Variants in EMILIN2 observed in about 807,000 individuals in gnomAD.
EMILIN2 encodes EMILIN-2.
In EMILIN2, 71 loss-of-function variants were observed where a neutral mutation model predicts 87.1. The observed-to-expected ratio is 0.82, with a 90% CI of 0.67 to 0.99. The LOEUF is 0.99. Ranked by LOEUF, EMILIN2 falls within the 50% of genes least tolerant of loss-of-function variation. EMILIN2 has a pLI of 0.00. For missense variants in EMILIN2, 1,407 were observed against 1,371.8 expected, an observed-to-expected ratio of 1.03 and a Z score of -0.40; for synonymous variants, 581 against 563.4, an observed-to-expected ratio of 1.03 and a Z score of -0.44.
Position 2,847,384 on chromosome 18 carries a change from C to T in EMILIN2, c.134+62C>T, listed in dbSNP as rs1020040527. 1.1e-5 allele frequency: 14 copies of T among 1,250,124 alleles called. No homozygotes were observed. The African/African-American group carries it at 2.2e-4, about 20-fold the overall frequency. 77.4% of individuals were successfully genotyped at this position (1,250,124 alleles called of 1,614,324 possible). A position where few individuals can be genotyped will look rare whatever the true frequency, so the allele number is the denominator to read the frequency against. On this transcript the variant is annotated intron_variant, in intron 1 of 7. Transcript: ENST00000254528. This position sits in a 1 kb window ranked among gnomAD's most constrained non-coding sequence, Gnocchi z 4.5. ...ACCCCTCCCCGGCCCCCAGTTGAGC[C>T]CCAGAGCTGCCCTGCCAAAGACGAC...
rs752041996 is a variant in EMILIN2 at position 2,885,000 on chromosome 18, G to C, written c.294G>C (p.Arg98Ser). The change falls in exon 3 of 8, where the codon AGG becomes AGC. Residue 98 changes from arginine (R) to serine (S), a missense_variant. Physicochemically the swap from Arg to Ser is moderately radical, Grantham distance 110. Coordinates refer to ENST00000254528, the MANE Select transcript of EMILIN2 (RefSeq NM_032048.3). Reference protein sequence around the residue: ...RVNFRPRYVTRYKTVTQLEWR... With the variant: ...RVNFRPRYVTSYKTVTQLEWR... Reference sequence around the variant, plus strand: ...ACTTCAGACCTAGATATGTCACTAGGTATAAGACAGTGACACAGTTGGAAT... The same window carrying C: ...ACTTCAGACCTAGATATGTCACTAGCTATAAGACAGTGACACAGTTGGAAT... 7 of 1,613,022 alleles carry C rather than the reference G, an allele frequency of 4.3e-6. No homozygotes were observed. Among genetic ancestry groups the C allele is most frequent in the Non-Finnish European group, 3.4e-6 (4 of 1,179,616 alleles).
At chr18:2,876,504 C>T (rs951690968) in intron 2 of EMILIN2, among the ~76,000 whole-genome samples, 2 of 124,604 alleles carry the variant, frequency 1.6e-5, no homozygotes, top group South Asian at 7.4e-4. Flanking sequence ...CGGTGGCTCA[C>T]GCCTGTAATC....
In EMILIN2 at chr18:2,913,686, T is replaced by C. The variant is rs962388038; in HGVS notation, c.*282T>C. On this transcript the variant is annotated 3_prime_UTR_variant, in exon 8 of 8. Transcript: ENST00000254528. ...ACCTGTATCTACACTCTGAGGGCCC[T>C]GGACTGGGCCTGAGCTTGCCACAGA... The C allele has an allele frequency of 5.5e-6, 2 of 365,326 alleles. No individual in the cohort carries two copies. Among genetic ancestry groups the C allele is most frequent in the Admixed American group, 4.5e-5 (1 of 22,142 alleles). The allele number at this position is 365,326 out of a possible 1,614,324, so 22.6% of individuals were successfully genotyped here.
Position 2,913,643 on chromosome 18 carries a change from AGACT to A in EMILIN2, c.*240_*243del. 105 of 338,996 alleles carry A rather than the reference AGACT, an allele frequency of 3.1e-4. No individual in the cohort carries two copies. In the South Asian group the frequency reaches 3.1e-3, roughly 10 times the overall value. The allele number at this position is 338,996 out of a possible 1,614,324, so 21.0% of individuals were successfully genotyped here. ...CTGCCACTCTAACTGGACAACTGGA[AGACT>A]TGGAAAGGCCTCCACCTGTATCTAC... On this transcript the variant is annotated 3_prime_UTR_variant, in exon 8 of 8. Coordinates refer to ENST00000254528, the MANE Select transcript of EMILIN2 (RefSeq NM_032048.3).
intron 2 of EMILIN2, among the ~76,000 whole-genome samples, chr18:2,864,796 A>G (rs1484749093): frequency 6.6e-6 from 1 of 152,024 alleles, no homozygotes; most frequent in Non-Finnish European, 1.5e-5. Context: ...CTCCTGGATA[A>G]TATCCTGCAG....
chr18:2,884,245 C>G (rs987835431), intron 2 of EMILIN2, among the ~76,000 whole-genome samples: 1 of 150,294 alleles, frequency 6.7e-6, no homozygotes, highest in Non-Finnish European at 1.5e-5. Context: ...CGTGAGCCAC[C>G]GCGCCCAGCC....
At chr18:2,900,222 C>G (rs1229633769) in intron 4 of EMILIN2, among the ~76,000 whole-genome samples, 1 of 152,042 alleles carries the variant, frequency 6.6e-6, no homozygotes, top group African/African-American at 2.4e-5. Context: ...GGGTCTTGCT[C>G]TGTTGCCCAG....
At chr18:2,902,471 G>T (rs1319032370) in intron 4 of EMILIN2, among the ~76,000 whole-genome samples, 1 of 152,160 alleles carries the variant, frequency 6.6e-6, no homozygotes, top group East Asian at 1.9e-4. Flanking sequence ...AAGGCTTCAT[G>T]GAAGAGGTGG....
At chr18:2,855,416 G>A (rs542655514) in intron 2 of EMILIN2, among the ~76,000 whole-genome samples, 4 of 152,178 alleles carry the variant, frequency 2.6e-5, no homozygotes, top group Non-Finnish European at 4.4e-5. Context: ...TTCTACCTTC[G>A]TCTTACACAA....
chr18:2,890,555 T>C lies in EMILIN2; in HGVS notation c.434-6T>C. The C allele has an allele frequency of 6.5e-7, 1 of 1,546,910 alleles. No homozygotes were observed. ...TCATTCATGTCCAACTTTATCTTTG[T>C]AACAGATAATGAACCCAGCCAATTC... On this transcript the variant is annotated splice_polypyrimidine_tract_variant and splice_region_variant and intron_variant, in intron 3 of 7. Coordinates refer to ENST00000254528, the MANE Select transcript of EMILIN2 (RefSeq NM_032048.3). The surrounding 1 kb of genome is among the most constrained non-coding windows in gnomAD (Gnocchi z 4.7).
At chr18:2,864,043 C>T (rs1044774611) in intron 2 of EMILIN2, among the ~76,000 whole-genome samples, 5 of 152,026 alleles carry the variant, frequency 3.3e-5, no homozygotes, top group Non-Finnish European at 1.5e-5. Context: ...GGATTGCATC[C>T]CCTGCCTTTT....
intron 2 of EMILIN2, among the ~76,000 whole-genome samples, chr18:2,851,391 C>T (rs946460327): frequency 5.3e-5 from 8 of 152,210 alleles, no homozygotes; most frequent in East Asian, 1.9e-4. Context: ...GCTATGATCA[C>T]GTCACTGCGC....
In EMILIN2 at chr18:2,858,654, T is replaced by C. The variant is rs559464228; in HGVS notation, c.257+10723T>C. 1.3e-3 allele frequency among the ~76,000 whole-genome samples: 190 copies of C among 146,814 alleles called. 1 individual carries two copies. The highest frequency in any genetic ancestry group is 9.2e-3 in the Admixed American group (135 of 14,616). On this transcript the variant is annotated intron_variant, in intron 2 of 7. Transcript: ENST00000254528. ...TTCTTTTTTCTCTTTCTTTTCTTTC[T>C]TCTGATTCTCACTCTGTTGCCCAGG...
chr18:2,857,135 C>T (rs775819758), intron 2 of EMILIN2, among the ~76,000 whole-genome samples: 4 of 152,130 alleles, frequency 2.6e-5, no homozygotes, highest in Admixed American at 6.5e-5. Flanking sequence ...TGAGGGAATA[C>T]GCCTAAGAAT....
intron 2 of EMILIN2, among the ~76,000 whole-genome samples, chr18:2,854,988 A>G (rs1372363807): frequency 2.0e-5 from 3 of 152,344 alleles, no homozygotes; most frequent in African/African-American, 4.8e-5. Context: ...AAGTTTCGCC[A>G]TCAATTGGCT....
chr18:2,911,824 C>T lies in EMILIN2; in HGVS notation c.2825-1243C>T, dbSNP rs1017385021. 1.1e-4 allele frequency among the ~76,000 whole-genome samples: 16 copies of T among 152,298 alleles called. No homozygotes were observed. The East Asian group carries it at 3.1e-3, about 29-fold the overall frequency. On this transcript the variant is annotated intron_variant, in intron 7 of 7. Transcript: ENST00000254528. Reference sequence around the variant, plus strand: ...GTGCAGAAAGAAAATTCTGGGTGAACTGAGTGAGGCTTCACCACAGGCGAC... The same window carrying T: ...GTGCAGAAAGAAAATTCTGGGTGAATTGAGTGAGGCTTCACCACAGGCGAC...
chr18:2,859,233 T>TTTTTAAA (rs2076648634), intron 2 of EMILIN2, among the ~76,000 whole-genome samples: 1 of 152,152 alleles, frequency 6.6e-6, no homozygotes. Context: ...ATATCTATTA[T>TTTTTAAA]TTTTAAATTT....
At chr18:2,869,281 A>T (rs1402161425) in intron 2 of EMILIN2, among the ~76,000 whole-genome samples, 2 of 34,816 alleles carry the variant, frequency 5.7e-5, no homozygotes, top group Non-Finnish European at 1.1e-4. Flanking sequence ...TTACATAGTT[A>T]AAAAAAAAAA....
chr18:2,854,220 G>A (rs986293652), intron 2 of EMILIN2, among the ~76,000 whole-genome samples: 1 of 152,066 alleles, frequency 6.6e-6, no homozygotes, highest in Non-Finnish European at 1.5e-5. Flanking sequence ...AGCCCCTCGA[G>A]GCCTGTGTTG....
Sources: allele counts gnomAD v4.1 joint callset (sites outside exome capture counted in the v4.1 genomes callset), GRCh38; gene constraint gnomAD v4.1.1; non-coding constraint Gnocchi (gnomAD v3.1); transcripts MANE v1.5; gene names NCBI Gene and HGNC (gene_info 2026-07-23, HGNC 2026-07-21).